The following SPATA6 variants were observed in gnomAD, a reference collection of about 807,000 sequenced individuals.
The protein encoded by SPATA6 is spermatogenesis associated 6.
A neutral mutation model predicts 65.3 loss-of-function variants in SPATA6; 56 were observed. The observed-to-expected ratio is 0.86, with a 90% CI of 0.69 to 1.07. The LOEUF (loss-of-function observed/expected upper bound fraction) is 1.07, where lower values mean the gene tolerates loss of function less well. SPATA6 is among the 50% of genes least tolerant of loss of function. The probability of loss-of-function intolerance (pLI) is 0.00; values close to 1 mark genes in which losing one functional copy is unlikely to be tolerated. For missense variants in SPATA6, 590 were observed against 594.8 expected, an observed-to-expected ratio of 0.99 and a Z score of 0.08; for synonymous variants, 199 against 213.2, an observed-to-expected ratio of 0.93 and a Z score of 0.58.
chr1:48,436,082 G>A (rs2148078715), intron 3 of SPATA6: 2 of 1,609,806 alleles, frequency 1.2e-6, no homozygotes, highest in South Asian at 2.2e-5. Context: ...ACCCTTTCCT[G>A]GTCACCTCCA....
intron 11 of SPATA6, chr1:48,325,743 C>T (rs771906505): frequency 7.8e-6 from 4 of 512,192 alleles, no homozygotes; most frequent in East Asian, 4.3e-5. Context: ...CCAAGTATCT[C>T]GCGCAAGGTG....
chr1:48,331,565 T>C (rs72891584), intron 11 of SPATA6, among the ~76,000 whole-genome samples: 1,863 of 152,178 alleles, frequency 0.012, 40 homozygotes, highest in African/African-American at 0.042. Flanking sequence ...CCTGGAAATA[T>C]GGGATTATGT....
At chr1:48,305,723 C>T (rs1645044404) in intron 12 of SPATA6, 64 bp downstream of exon 12, 1 of 1,189,692 alleles carries the variant, frequency 8.4e-7, no homozygotes, top group African/African-American at 1.6e-5. Flanking sequence ...ATAAATTCAG[C>T]ATATTATAAA....
At chr1:48,427,943 C>T (rs973700052) in intron 3 of SPATA6, among the ~76,000 whole-genome samples, 9 of 152,090 alleles carry the variant, frequency 5.9e-5, no homozygotes, top group African/African-American at 2.2e-4. Context: ...CATGTATACC[C>T]AGTGTTTAGC....
chr1:48,357,185 T>G (rs1646685193), intron 10 of SPATA6, among the ~76,000 whole-genome samples: 1 of 152,142 alleles, frequency 6.6e-6, no homozygotes, highest in African/African-American at 2.4e-5. Context: ...CCTTTTTCAG[T>G]AGATTTGCTA....
At chr1:48,462,645 C>G (rs1557737171) in intron 1 of SPATA6, among the ~76,000 whole-genome samples, 1 of 152,060 alleles carries the variant, frequency 6.6e-6, no homozygotes, top group East Asian at 1.9e-4. Context: ...AGCCATACAT[C>G]CAACAAATGA....
chr1:48,282,249 A>G, the SPATA6 span, among the ~76,000 whole-genome samples: 1 of 152,198 alleles, frequency 6.6e-6, no homozygotes, highest in Admixed American at 6.5e-5. Flanking sequence ...AAACCTAGGC[A>G]TTACCATTCA....
chr1:48,298,975 G>A (rs1380230855), intron 12 of SPATA6, 82 bp from the exon 13 acceptor site: 23 of 1,357,902 alleles, frequency 1.7e-5, no homozygotes, highest in Non-Finnish European at 2.3e-5. Context: ...TATTTATTGA[G>A]TACTCTATGG....
chr1:48,276,356 T>G, the SPATA6 span, among the ~76,000 whole-genome samples: 29 of 152,288 alleles, frequency 1.9e-4, no homozygotes, highest in African/African-American at 7.0e-4. Flanking sequence ...TCTCTGATCT[T>G]ATTTCTTATC....
chr1:48,308,765 CT>C (rs1340998433), intron 11 of SPATA6, among the ~76,000 whole-genome samples: 2 of 152,110 alleles, frequency 1.3e-5, no homozygotes, highest in Admixed American at 6.5e-5. Context: ...ATTACACTGC[CT>C]TTTGGACTCC....
At chr1:48,374,569 T>C (rs1647670403) in intron 9 of SPATA6, among the ~76,000 whole-genome samples, 2 of 152,156 alleles carry the variant, frequency 1.3e-5, no homozygotes, top group Admixed American at 1.3e-4. Flanking sequence ...AACTTGGTTA[T>C]TTTCTTCAAG....
chr1:48,371,289 AG>A (rs1647257937), intron 9 of SPATA6, among the ~76,000 whole-genome samples: 1 of 152,060 alleles, frequency 6.6e-6, no homozygotes, highest in Non-Finnish European at 1.5e-5. Flanking sequence ...ATAGATAGAT[AG>A]ATAGATAGAT....
chr1:48,397,121 G>T (rs1036605309), intron 7 of SPATA6, among the ~76,000 whole-genome samples: 1 of 151,546 alleles, frequency 6.6e-6, no homozygotes, highest in Non-Finnish European at 1.5e-5. Flanking sequence ...GCCAAATGTT[G>T]TATAATTATA....
At chr1:48,319,549 A>G (rs977712612) in intron 11 of SPATA6, among the ~76,000 whole-genome samples, 4 of 152,196 alleles carry the variant, frequency 2.6e-5, no homozygotes, top group African/African-American at 9.7e-5. Context: ...ATGAAAATCA[A>G]GGAAAGAAGA....
intron 11 of SPATA6, among the ~76,000 whole-genome samples, chr1:48,313,495 G>C (rs1488982364): frequency 6.6e-6 from 1 of 152,140 alleles, no homozygotes; most frequent in East Asian, 1.9e-4. Flanking sequence ...AGCAAATGCT[G>C]AGAGATTTTG....
intron 9 of SPATA6, among the ~76,000 whole-genome samples, chr1:48,369,438 G>A (rs911416299): frequency 6.6e-6 from 1 of 152,226 alleles, no homozygotes; most frequent in African/African-American, 2.4e-5. Context: ...CCCAGTTCGA[G>A]CTTCCTGGCT....
intron 2 of SPATA6, among the ~76,000 whole-genome samples, chr1:48,451,801 T>C (rs368781762): frequency 2.6e-4 from 40 of 152,188 alleles, no homozygotes; most frequent in African/African-American, 9.2e-4. Context: ...TCCAACTTCC[T>C]CTGCTAGCAT....
At chr1:48,356,422 G>A (rs1440274383) in intron 10 of SPATA6, among the ~76,000 whole-genome samples, 1 of 149,582 alleles carries the variant, frequency 6.7e-6, no homozygotes, top group Non-Finnish European at 1.5e-5. Flanking sequence ...AATATATAGT[G>A]TTATTAATAA....
Position 48,304,729 on chromosome 1 carries a change from AT to A in SPATA6, c.1286+1057del, listed in dbSNP as rs369162568. The stretch of plus-strand genomic sequence containing the variant: ...ATGGGGGTAAAAAGTGGAAATCTAT[AT>A]TTTTTAAAAACAACTTAGATAATTT... On this transcript the variant is annotated intron_variant, in intron 12 of 12. Transcript: ENST00000371847. Among the ~76,000 whole-genome samples, 791 of 152,256 alleles carry A rather than the reference AT, an allele frequency of 5.2e-3. 18 individuals are homozygous for A. The highest frequency in any genetic ancestry group is 0.05 in the South Asian group (242 of 4,826).
Sources: allele counts gnomAD v4.1 joint callset (sites outside exome capture counted in the v4.1 genomes callset), GRCh38; gene constraint gnomAD v4.1.1; transcripts MANE v1.5; gene names NCBI Gene and HGNC (gene_info 2026-07-23, HGNC 2026-07-21).